SETD5: variants seen among roughly 807,000 people sequenced by gnomAD.
The protein encoded by SETD5 is SET domain containing 5.
Under a neutral mutation model 153.3 loss-of-function variants are expected in SETD5, and 44 were observed. The observed-to-expected ratio is 0.29, with a 90% CI of 0.23 to 0.37. SETD5 has a LOEUF of 0.37. SETD5 is among the 10% of genes least tolerant of loss of function. The pLI, the probability that SETD5 is intolerant of heterozygous loss-of-function variation, is 1.00. For missense variants in SETD5, 1,544 were observed against 1,768.0 expected (o/e 0.87, Z 2.27); for synonymous variants, 716 against 645.2 (o/e 1.11, Z -1.66).
chr3:9,453,857 A>T lies in SETD5; in HGVS notation c.2465A>T (p.Lys822Ile), dbSNP rs771582986. Reference protein sequence around the residue: ...NENSSSSSICKDNADLLSPLK... With the variant: ...NENSSSSSICIDNADLLSPLK... ...AATAGTAGCTCTTCTAGTATCTGCAAAGACAATGCAGGTACGTATCTAAAA... is the reference window on the plus strand; with the variant it reads ...AATAGTAGCTCTTCTAGTATCTGCATAGACAATGCAGGTACGTATCTAAAA... The change falls in exon 17 of 23, where the codon AAA (lysine) becomes ATA (isoleucine). Residue 822 changes from lysine to isoleucine, a missense_variant. Lys to Ile is a moderately radical substitution (Grantham distance 102). This residue lies in a region of SETD5 where 782 missense variants were observed against 787.2 expected (regional missense o/e 0.99). Coordinates refer to ENST00000402198, the MANE Select transcript of SETD5 (RefSeq NM_001080517.3). 2 of 1,581,650 alleles carry T rather than the reference A, an allele frequency of 1.3e-6. No individual in the cohort carries two copies. Among genetic ancestry groups the T allele is most frequent in the South Asian group, 1.2e-5 (1 of 84,996 alleles).
intron 3 of SETD5, chr3:9,430,639 A>G (rs879767808): frequency 1.4e-5 from 3 of 215,560 alleles, no homozygotes; most frequent in Non-Finnish European, 2.4e-5. Flanking sequence ...CTAACTGTAT[A>G]GATAGATAGC....
intron 17 of SETD5, among the ~76,000 whole-genome samples, chr3:9,454,463 G>C (rs949355637): frequency 6.6e-6 from 1 of 151,604 alleles, no homozygotes; most frequent in Admixed American, 6.6e-5. Flanking sequence ...TACCAAAAAT[G>C]CAAAAATTAG....
At chr3:9,469,566 G>A (rs988359409) in intron 18 of SETD5, among the ~76,000 whole-genome samples, 1 of 152,124 alleles carries the variant, frequency 6.6e-6, no homozygotes, top group African/African-American at 2.4e-5. Context: ...TTGGTGTTTT[G>A]ACTCTAGCTT....
At position 9,473,293 on chromosome 3, in the gene SETD5, G is replaced by A. The variant is rs767095342; in HGVS notation, c.3253G>A (p.Gly1085Arg). The A allele has an allele frequency of 8.7e-6, 14 of 1,613,876 alleles. No individual in the cohort carries two copies. Among genetic ancestry groups the A allele is most frequent in the South Asian group, 1.1e-5 (1 of 91,094 alleles). Residue 1085 changes from glycine to arginine, a missense_variant, in exon 20 of 23, where the codon GGG becomes AGG. Physicochemically the swap from Gly to Arg is moderately radical, Grantham distance 125. This residue lies in a region of SETD5 where 93 missense variants were observed against 93.4 expected (regional missense o/e 1.00). Transcript: ENST00000402198. ...KQEAKENSAG[G>R]GGDSAQSKSK... ...AGAAGCTAAGGAAAATTCTGCTGGTGGGGGAGGTGACTCTGCACAGAGCAA... is the reference window on the plus strand; with the variant it reads ...AGAAGCTAAGGAAAATTCTGCTGGTAGGGGAGGTGACTCTGCACAGAGCAA...
chr3:9,403,804 A>G (rs1242227119), intron 1 of SETD5, among the ~76,000 whole-genome samples: 4 of 152,254 alleles, frequency 2.6e-5, no homozygotes, highest in Non-Finnish European at 4.4e-5. Flanking sequence ...AACCAAAATC[A>G]TAATGAAATA....
intron 1 of SETD5, among the ~76,000 whole-genome samples, chr3:9,421,382 C>T (rs1408725400): frequency 6.6e-6 from 1 of 152,020 alleles, no homozygotes; most frequent in Non-Finnish European, 1.5e-5. Context: ...AAGCAATCCT[C>T]CTGCCTCAGC....
chr3:9,444,407 A>T (rs183006035), intron 11 of SETD5, among the ~76,000 whole-genome samples: 27 of 152,192 alleles, frequency 1.8e-4, no homozygotes, highest in Admixed American at 1.7e-3. Context: ...GTAGGGAATT[A>T]GTAGGTAAAA....
chr3:9,419,704 T>C (rs2038088587), intron 1 of SETD5, among the ~76,000 whole-genome samples: 1 of 152,250 alleles, frequency 6.6e-6, no homozygotes, highest in Non-Finnish European at 1.5e-5. Context: ...GTGAACTTCA[T>C]ACAAGTTAAT....
In SETD5 at chr3:9,445,150, A is replaced by G; in HGVS notation, c.1290A>G (p.Pro430=). ...ATELPLLPPP[P]SLPTIGAETR... ...AACTGCCACTCCTACCACCTCCTCC[A>G]AGCCTACCCACCATTGGAGCAGAGA... The change falls in exon 12 of 23, where the codon CCA becomes CCG. Residue 430 remains proline, a synonymous_variant. Transcript: ENST00000402198. 2 of 1,614,024 alleles carry G rather than the reference A, an allele frequency of 1.2e-6. No individual in the cohort carries two copies. The highest frequency in any genetic ancestry group is 1.7e-6 in the Non-Finnish European group (2 of 1,179,894).
rs181539866 is a variant in SETD5, at chr3:9,445,060, G to A, written c.1200G>A (p.Val400=). Reference sequence around the variant, plus strand: ...TTCTTTGGAGCAGTAATTATAAAGTGGACTGTGCCTGTCACAAGGGAAACC... The same window carrying A: ...TTCTTTGGAGCAGTAATTATAAAGTAGACTGTGCCTGTCACAAGGGAAACC... ...DYEYSNCNYK[V]DCACHKGNRN... is the part of the protein sequence containing the mutation. Residue 400 remains valine (V), a synonymous_variant, in exon 12 of 23, where the codon GTG becomes GTA. Coordinates refer to ENST00000402198, the MANE Select transcript of SETD5 (RefSeq NM_001080517.3). 31 of 1,613,374 alleles carry A rather than the reference G, an allele frequency of 1.9e-5. No individual in the cohort carries two copies. In the East Asian group the frequency reaches 6.7e-4, roughly 35 times the overall value.
intron 18 of SETD5, among the ~76,000 whole-genome samples, chr3:9,466,106 G>A (rs923460365): frequency 4.6e-5 from 7 of 152,010 alleles, no homozygotes; most frequent in Admixed American, 2.0e-4. Flanking sequence ...GGCTAACGTG[G>A]TGAAACCCCG....
intron 20 of SETD5, among the ~76,000 whole-genome samples, chr3:9,474,217 A>G (rs1484161557): frequency 1.3e-5 from 2 of 152,234 alleles, no homozygotes; most frequent in African/African-American, 4.8e-5. Context: ...GGAAGTTAAC[A>G]TCTTTAACCC....
chr3:9,445,228 G>A lies in SETD5; in HGVS notation c.1368G>A (p.Glu456=). The A allele has an allele frequency of 6.2e-7, 1 of 1,612,826 alleles. No homozygotes were observed. The highest frequency in any genetic ancestry group is 8.5e-7 in the Non-Finnish European group (1 of 1,179,246). Residue 456 remains glutamate (E), a synonymous_variant, in exon 12 of 23, where the codon GAG becomes GAA. Transcript: ENST00000402198. The stretch of plus-strand genomic sequence containing the variant: ...AGCTAGAGATGGAGCAGCAGAATGA[G>A]GCTTCAGAGGAGAATAATGACCAGC... ...RKELEMEQQN[E]ASEENNDQQS...
intron 1 of SETD5, among the ~76,000 whole-genome samples, chr3:9,418,759 T>C (rs1294857876): frequency 2.0e-5 from 3 of 150,152 alleles, no homozygotes; most frequent in South Asian, 2.1e-4. Flanking sequence ...GCTGAGATCC[T>C]GCCATTGCAC....
In SETD5 at chr3:9,475,781, G is replaced by A; in HGVS notation, c.4019G>A (p.Cys1340Tyr). 1 of 1,614,026 alleles carries A rather than the reference G, an allele frequency of 6.2e-7. No individual in the cohort carries two copies. Among genetic ancestry groups the A allele is most frequent in the Non-Finnish European group, 8.5e-7 (1 of 1,179,892 alleles). The change falls in exon 23 of 23, where the codon TGC becomes TAC. Residue 1340 changes from cysteine (C) to tyrosine (Y), a missense_variant. Coordinates refer to ENST00000402198, the MANE Select transcript of SETD5 (RefSeq NM_001080517.3). Reference protein sequence around the residue: ...STGSNLPRRSCPSSAASPTLQ... With the variant: ...STGSNLPRRSYPSSAASPTLQ... ...GGCAGCAATCTTCCAAGGAGGAGCT[G>A]CCCTTCTAGTGCTGCTAGCCCTACC...
At chr3:9,429,109 AG>A in intron 3 of SETD5, 100 bp downstream of exon 3, 1 of 747,724 alleles carries the variant, frequency 1.3e-6, no homozygotes, top group South Asian at 2.0e-5. Flanking sequence ...TTTCTTAACC[AG>A]ATCCTATTCC....
Position 9,447,261 on chromosome 3 carries a change from C to A in SETD5, c.1736C>A (p.Thr579Asn), listed in dbSNP as rs548131765. 2.1e-5 allele frequency: 34 copies of A among 1,614,034 alleles called. No individual in the cohort carries two copies. In the East Asian group the frequency reaches 6.7e-4, roughly 32 times the overall value. The change falls in exon 14 of 23, where the codon ACC (threonine) becomes AAC (asparagine). Residue 579 changes from threonine (T) to asparagine (N), a missense_variant. Physicochemically the swap from Thr to Asn is moderately conservative, Grantham distance 65. Coordinates refer to ENST00000402198, the MANE Select transcript of SETD5 (RefSeq NM_001080517.3). The stretch of plus-strand genomic sequence containing the variant: ...GTTTCAAATGTTACCATCCCAAGCA[C>A]CCCACAGAGTGTTGGTGTGAATACC... ...NSVSNVTIPSTPQSVGVNTRR... is the reference protein window; with the variant it reads ...NSVSNVTIPSNPQSVGVNTRR...
At chr3:9,454,160 G>A (rs558740630) in intron 17 of SETD5, 2 of 169,304 alleles carry the variant, frequency 1.2e-5, no homozygotes, top group South Asian at 1.9e-4. Context: ...ATAAGATGGG[G>A]CAAGGGCAAG....
chr3:9,475,142 A>G lies in SETD5; in HGVS notation c.3706A>G (p.Arg1236Gly). The G allele has an allele frequency of 2.5e-6, 4 of 1,583,196 alleles. No homozygotes were observed. Among genetic ancestry groups the G allele is most frequent in the Non-Finnish European group, 3.4e-6 (4 of 1,164,748 alleles). The change falls in exon 22 of 23, where the codon AGA becomes GGA. Residue 1236 changes from arginine to glycine, a missense_variant. Around this residue, in one of 9 missense-constraint regions of SETD5, gnomAD observed 302 missense variants for 277.6 expected, o/e 1.09. Coordinates refer to ENST00000402198, the MANE Select transcript of SETD5 (RefSeq NM_001080517.3). ...AGGAGCAACAGTTTACAGCCCTTCC[A>G]GATACAGCTACCAGGTGAGATGAGA... ...SKGATVYSPS[R>G]YSYQLLQCDS... is the part of the protein sequence containing the mutation.
Sources: gnomAD v4.1 joint callset for allele counts (sites outside exome capture counted in the v4.1 genomes callset) on GRCh38, gnomAD v4.1.1 for gene constraint, gnomAD v4.1.1 regional missense constraint, MANE v1.5 for transcripts, NCBI Gene and HGNC (gene_info 2026-07-23, HGNC 2026-07-21) for gene names.